Variants in FOCAD observed in about 807,000 individuals in gnomAD.
The protein encoded by FOCAD is focadhesin, also known as KIAA1797.
Under a neutral mutation model 225.6 loss-of-function variants are expected in FOCAD, and 198 were observed. The observed-to-expected ratio is 0.88, with a 90% CI of 0.78 to 0.99. The LOEUF is 0.99. Among genes scored for constraint, FOCAD ranks in the 50% least tolerant of loss-of-function variants. FOCAD has a pLI of 0.00. For missense variants in FOCAD, 2,713 were observed against 2,123.6 expected (o/e 1.28, Z -5.46); for synonymous variants, 897 against 755.0 (o/e 1.19, Z -3.08).
chr9:20,798,059 A>G (rs113145629), intron 11 of FOCAD, among the ~76,000 whole-genome samples: 49,605 of 151,816 alleles, frequency 0.33, 8,963 homozygotes, highest in African/African-American at 0.48. Flanking sequence ...AGCATGAAGC[A>G]TTGTTGAATT....
intron 2 of FOCAD, chr9:20,716,176 C>G (rs1563907834): frequency 4.2e-6 from 2 of 471,432 alleles, no homozygotes; most frequent in Non-Finnish European, 4.6e-6. Context: ...TCCCTTCTAC[C>G]TGGCTGGGTT....
At chr9:20,861,960 A>G (rs1421485592) in intron 15 of FOCAD, among the ~76,000 whole-genome samples, 1 of 152,160 alleles carries the variant, frequency 6.6e-6, no homozygotes, top group Non-Finnish European at 1.5e-5. Flanking sequence ...GTTAGAAATG[A>G]TACAACATTT....
intron 28 of FOCAD, among the ~76,000 whole-genome samples, chr9:20,935,494 G>A (rs771868684): frequency 1.3e-5 from 2 of 152,114 alleles, no homozygotes; most frequent in African/African-American, 2.4e-5. Context: ...TCCGCCTCCC[G>A]AGTTCAAGTG....
intron 15 of FOCAD, among the ~76,000 whole-genome samples, chr9:20,853,529 G>A (rs1173804830): frequency 6.6e-6 from 1 of 151,648 alleles, no homozygotes; most frequent in African/African-American, 2.4e-5. Flanking sequence ...GTGATGTTAC[G>A]GGTTGTTAAT....
intron 4 of FOCAD, among the ~76,000 whole-genome samples, chr9:20,727,478 G>C (rs141433691): frequency 6.6e-6 from 1 of 152,296 alleles, no homozygotes; most frequent in African/African-American, 2.4e-5. Context: ...TGAGTGCACA[G>C]AACTTTGTTA....
chr9:20,843,825 T>C (rs976433008), intron 15 of FOCAD, among the ~76,000 whole-genome samples: 1 of 152,138 alleles, frequency 6.6e-6, no homozygotes, highest in African/African-American at 2.4e-5. Flanking sequence ...ACTTAATAAA[T>C]AAGGGATTGA....
intron 15 of FOCAD, among the ~76,000 whole-genome samples, chr9:20,828,584 T>A (rs1160746673): frequency 6.6e-6 from 1 of 152,124 alleles, no homozygotes; most frequent in African/African-American, 2.4e-5. Context: ...CTGCACATCC[T>A]CACCAACACT....
intron 5 of FOCAD, among the ~76,000 whole-genome samples, chr9:20,746,121 G>A (rs565940622): frequency 6.6e-5 from 10 of 152,294 alleles, no homozygotes; most frequent in African/African-American, 2.2e-4. Flanking sequence ...ATTTAAGTGC[G>A]CAAAGACCAG....
intron 18 of FOCAD, 127 bp from the exon 19 acceptor site, chr9:20,874,554 C>A: frequency 1.1e-6 from 1 of 883,688 alleles, no homozygotes; most frequent in Middle Eastern, 2.5e-4. Flanking sequence ...TTTCAGTGGT[C>A]TTTTATGTTA....
chr9:20,707,130 A>T (rs1824454191), intron 1 of FOCAD, among the ~76,000 whole-genome samples: 1 of 152,190 alleles, frequency 6.6e-6, no homozygotes, highest in Admixed American at 6.5e-5. Flanking sequence ...ATATTGGTGG[A>T]TAAATAGCAG....
At chr9:20,981,002 T>C (rs1405663712) in intron 37 of FOCAD, among the ~76,000 whole-genome samples, 2 of 152,244 alleles carry the variant, frequency 1.3e-5, no homozygotes, top group African/African-American at 2.4e-5. Context: ...ATTAATAGTA[T>C]CAGATGCTCT....
chr9:20,974,129 C>T (rs1840021651), intron 35 of FOCAD, among the ~76,000 whole-genome samples: 1 of 148,282 alleles, frequency 6.7e-6, no homozygotes, highest in Non-Finnish European at 1.5e-5. Context: ...CTCTGCTTCT[C>T]CTTTTTCCTA....
chr9:20,829,607 A>G (rs1392264551), intron 15 of FOCAD, among the ~76,000 whole-genome samples: 1 of 152,098 alleles, frequency 6.6e-6, no homozygotes, highest in East Asian at 1.9e-4. Flanking sequence ...CAATAAAAAA[A>G]TGTAAATGAT....
intron 24 of FOCAD, among the ~76,000 whole-genome samples, chr9:20,921,618 A>G (rs1026639460): frequency 1.3e-5 from 2 of 152,214 alleles, no homozygotes; most frequent in African/African-American, 2.4e-5. Flanking sequence ...AATTTGGCCT[A>G]GGGCTGCACT....
At chr9:20,943,380 G>A (rs555979821) in intron 28 of FOCAD, among the ~76,000 whole-genome samples, 14 of 152,222 alleles carry the variant, frequency 9.2e-5, no homozygotes, top group Admixed American at 2.0e-4. Context: ...CTTCTCATAC[G>A]TATTCCATCA....
chr9:20,909,876 A>G lies in FOCAD; in HGVS notation c.2718+2634A>G, dbSNP rs1028890712. On this transcript the variant is annotated intron_variant, in intron 22 of 43. Coordinates refer to ENST00000338382, the MANE Select transcript of FOCAD (RefSeq NM_001375567.1). ...CGGTCCTAGAAGACACTTTTTCTGT[A>G]CAGGAATTACAGTTACTTCCATCTG... is the stretch of plus-strand genomic sequence containing the variant. 3.9e-4 allele frequency among the ~76,000 whole-genome samples: 59 copies of G among 152,236 alleles called. 1 individual carries two copies. Among genetic ancestry groups the G allele is most frequent in the Middle Eastern group, 6.8e-3 (2 of 294 alleles).
chr9:20,966,577 T>G (rs1839277391), intron 35 of FOCAD, among the ~76,000 whole-genome samples: 1 of 152,182 alleles, frequency 6.6e-6, no homozygotes, highest in Non-Finnish European at 1.5e-5. Flanking sequence ...GCCATATCTG[T>G]GAATCCATTG....
chr9:20,728,293 G>T (rs897409765), intron 4 of FOCAD, among the ~76,000 whole-genome samples: 25 of 152,252 alleles, frequency 1.6e-4, no homozygotes, highest in Middle Eastern at 3.4e-3. Context: ...TATATAAAGA[G>T]ATATCTTGGA....
chr9:20,869,261 T>C (rs1829555658), intron 18 of FOCAD, among the ~76,000 whole-genome samples: 1 of 152,180 alleles, frequency 6.6e-6, no homozygotes, highest in African/African-American at 2.4e-5. Flanking sequence ...CCAGTGAAAG[T>C]GTGTCCATAT....
Sources: allele counts gnomAD v4.1 joint callset (sites outside exome capture counted in the v4.1 genomes callset), GRCh38; gene constraint gnomAD v4.1.1; transcripts MANE v1.5; gene names NCBI Gene and HGNC (gene_info 2026-07-23, HGNC 2026-07-21).